Variants in CSF1R observed in about 807,000 individuals in gnomAD.
The protein encoded by CSF1R is colony stimulating factor 1 receptor.
CSF1R carries 40 observed loss-of-function variants against 110.0 expected under a neutral mutation model. That is an observed-to-expected ratio of 0.36 (90% CI 0.28 to 0.47). CSF1R has a LOEUF of 0.47. Among genes scored for constraint, CSF1R ranks in the 20% least tolerant of loss-of-function variants. The probability of loss-of-function intolerance (pLI) is 0.99; values close to 1 mark genes in which losing one functional copy is unlikely to be tolerated. For missense variants in CSF1R, 1,052 were observed against 1,253.0 expected (o/e 0.84, Z 2.42); for synonymous variants, 523 against 503.4 (o/e 1.04, Z -0.52).
chr5:150,109,550 T>G (rs1384472732), intron 1 of CSF1R, among the ~76,000 whole-genome samples: 1 of 152,224 alleles, frequency 6.6e-6, no homozygotes, highest in East Asian at 1.9e-4. Flanking sequence ...TCTTCAACTC[T>G]TCTCTGTCAC....
At chr5:150,085,281 A>AAAAAAAAAAC (rs1554104532) in intron 1 of CSF1R, among the ~76,000 whole-genome samples, 1 of 149,584 alleles carries the variant, frequency 6.7e-6, no homozygotes, top group African/African-American at 2.5e-5. Context: ...TCTCAGGAAA[A>AAAAAAAAAAC]AAAAAAAAAA....
chr5:150,084,121 G>C (rs1196922724), intron 1 of CSF1R, among the ~76,000 whole-genome samples: 1 of 151,966 alleles, frequency 6.6e-6, no homozygotes, highest in African/African-American at 2.4e-5. Context: ...GGGATCGCTT[G>C]AGTTCAGGAG....
intron 1 of CSF1R, among the ~76,000 whole-genome samples, chr5:150,102,052 G>T (rs1195821919): frequency 1.3e-5 from 2 of 152,126 alleles, no homozygotes; most frequent in Admixed American, 6.5e-5. Flanking sequence ...GGACACTCTA[G>T]TTCCTTCTAA....
intron 1 of CSF1R, among the ~76,000 whole-genome samples, chr5:150,086,135 G>A (rs1166872563): frequency 6.6e-6 from 1 of 151,980 alleles, no homozygotes; most frequent in African/African-American, 2.4e-5. Context: ...GCTTGCTCAG[G>A]ACACACAGTG....
chr5:150,081,645 A>G (rs570975464), intron 1 of CSF1R, among the ~76,000 whole-genome samples: 12 of 152,220 alleles, frequency 7.9e-5, no homozygotes, highest in East Asian at 7.7e-4. Flanking sequence ...ACTCATTGGT[A>G]TGTTAGGCAT....
At position 150,080,788 on chromosome 5, in the gene CSF1R, C is replaced by T. The variant is rs1318254419; in HGVS notation, c.286G>A (p.Ala96Thr). The T allele has an allele frequency of 6.8e-6, 11 of 1,614,038 alleles. No homozygotes were observed. The highest frequency in any genetic ancestry group is 2.2e-5 in the East Asian group (1 of 44,874). ...EPGDPLGGSAAIHLYVKDPAR... is the reference protein window; with the variant it reads ...EPGDPLGGSATIHLYVKDPAR... ...TCACCTTTGACATAGAGGTGGATGG[C>T]GGCGCTGCCTCCCAGGGGGTCTCCA... Residue 96 changes from alanine (A) to threonine (T), a missense_variant, in exon 2 of 21, where the codon GCC becomes ACC. Ala to Thr is a moderately conservative substitution (Grantham distance 58, BLOSUM62 0). Coordinates refer to ENST00000675795, the MANE Select transcript of CSF1R (RefSeq NM_001288705.3).
At chr5:150,083,464 G>C (rs1207166810) in intron 1 of CSF1R, among the ~76,000 whole-genome samples, 1 of 151,422 alleles carries the variant, frequency 6.6e-6, no homozygotes. Flanking sequence ...AATGAAGAGA[G>C]AGCCCCCCTC....
intron 1 of CSF1R, chr5:150,094,688 G>A (rs1581343016): frequency 1.4e-5 from 23 of 1,600,308 alleles, no homozygotes; most frequent in South Asian, 1.1e-4. Flanking sequence ...ACAAGGCTTC[G>A]ATTAACATGC....
chr5:150,080,418 C>G, intron 2 of CSF1R, 82 bp from the exon 3 acceptor site: 1 of 1,508,448 alleles, frequency 6.6e-7, no homozygotes, highest in Non-Finnish European at 8.9e-7. Context: ...GACAAGGAAG[C>G]TCAGAGAGGC....
At chr5:150,078,454 C>T (rs1200285758) in intron 3 of CSF1R, among the ~76,000 whole-genome samples, 1 of 152,208 alleles carries the variant, frequency 6.6e-6, no homozygotes, top group East Asian at 1.9e-4. Flanking sequence ...CTTTCTCCAT[C>T]ACCTCTACCC....
Position 150,054,784 on chromosome 5 carries a change from C to T in CSF1R, c.2655-354G>A, listed in dbSNP as rs576819175. 4.1e-5 allele frequency: 10 copies of T among 244,348 alleles called. 1 individual carries two copies. The highest frequency in any genetic ancestry group is 7.3e-5 in the Non-Finnish European group (10 of 137,522). 15.1% of individuals were successfully genotyped at this position (244,348 alleles called of 1,614,324 possible). A position where few individuals can be genotyped will look rare whatever the true frequency, so the allele number is the denominator to read the frequency against. On this transcript the variant is annotated intron_variant, in intron 19 of 20. Coordinates refer to ENST00000675795, the MANE Select transcript of CSF1R (RefSeq NM_001288705.3). ...GGAGGATTGCATAAGGCCAGGAGTTCCAGACCAGCCTGGACAACATAGTGA... is the reference window on the plus strand; with the variant it reads ...GGAGGATTGCATAAGGCCAGGAGTTTCAGACCAGCCTGGACAACATAGTGA...
intron 5 of CSF1R, among the ~76,000 whole-genome samples, chr5:150,076,097 A>G (rs1306835218): frequency 6.6e-6 from 1 of 152,166 alleles, no homozygotes; most frequent in Non-Finnish European, 1.5e-5. Context: ...CACTGCCTGC[A>G]CCCAATCACC....
rs767928259 is a variant in CSF1R, at chr5:150,077,301, G to A, written c.864C>T (p.Ser288=). 18 of 1,614,096 alleles carry A rather than the reference G, an allele frequency of 1.1e-5. No individual in the cohort carries two copies. In the East Asian group the frequency reaches 3.1e-4, roughly 28 times the overall value. The change falls in exon 5 of 21, where the codon TCC becomes TCT. Residue 288 remains serine (S), a synonymous_variant. Coordinates refer to ENST00000675795, the MANE Select transcript of CSF1R (RefSeq NM_001288705.3). Reference sequence around the variant, plus strand: ...CTACCACCCGGAAGAACATGGAGGTGGAGTGCTTGCCCTGCACGTTGCTGG... The same window carrying A: ...CTACCACCCGGAAGAACATGGAGGTAGAGTGCTTGCCCTGCACGTTGCTGG... ...CVASNVQGKH[S]TSMFFRVVES...
intron 1 of CSF1R, among the ~76,000 whole-genome samples, chr5:150,100,159 AC>A (rs1759357213): frequency 6.6e-6 from 1 of 152,056 alleles, no homozygotes; most frequent in Non-Finnish European, 1.5e-5. Context: ...AGCCTGGACA[AC>A]ATAGTGAGAG....
intron 1 of CSF1R, among the ~76,000 whole-genome samples, chr5:150,101,989 G>T (rs1238201740): frequency 6.6e-6 from 1 of 152,068 alleles, no homozygotes; most frequent in Non-Finnish European, 1.5e-5. Context: ...TTGCTTCACT[G>T]TATCTCATCG....
At chr5:150,105,030 C>G (rs1759505283) in intron 1 of CSF1R, among the ~76,000 whole-genome samples, 1 of 151,330 alleles carries the variant, frequency 6.6e-6, no homozygotes, top group Non-Finnish European at 1.5e-5. Flanking sequence ...AGGCACCCAC[C>G]ACCACGCCCA....
At chr5:150,056,512 T>C (rs1757224803) in intron 16 of CSF1R, among the ~76,000 whole-genome samples, 171 bp from the exon 17 acceptor site, 1 of 152,162 alleles carries the variant, frequency 6.6e-6, no homozygotes, top group Admixed American at 6.5e-5. Flanking sequence ...GCCCAGGATC[T>C]GAGAATGTGT....
At position 150,105,347 on chromosome 5, in the gene CSF1R, CAAAAAA is replaced by C. The variant is rs780403646; in HGVS notation, c.-181+7908_-181+7913del. Reference sequence around the variant, plus strand: ...TGGGTGACAGAGAGAGACTCTGTCTCAAAAAAAAAAAAAAAAATATATATATATATA... The same window carrying C: ...TGGGTGACAGAGAGAGACTCTGTCTCAAAAAAAAAAATATATATATATATA... On this transcript the variant is annotated intron_variant, in intron 1 of 21. Transcript: ENST00000286301. 9.0e-3 allele frequency among the ~76,000 whole-genome samples: 687 copies of C among 76,548 alleles called. 1 individual carries two copies. The highest frequency in any genetic ancestry group is 0.012 in the Non-Finnish European group (503 of 43,590). 50.2% of individuals were successfully genotyped at this position (76,548 alleles called of 152,430 possible).
At chr5:150,089,887 C>A (rs1360621402), upstream of CSF1R, among the ~76,000 whole-genome samples, 1 of 152,164 alleles carries the variant, frequency 6.6e-6, no homozygotes, top group Non-Finnish European at 1.5e-5. Context: ...CATTCATGGA[C>A]AACTGATATT....
Sources: allele counts gnomAD v4.1 joint callset (sites outside exome capture counted in the v4.1 genomes callset), GRCh38; gene constraint gnomAD v4.1.1; transcripts MANE v1.5; gene names NCBI Gene and HGNC (gene_info 2026-07-23, HGNC 2026-07-21).